SMIM31: variants seen among roughly 807,000 people sequenced by gnomAD.
SMIM31 encodes the protein small integral membrane protein 31.
chr4:164,766,081 T>A (rs1376895818), intron 1 of SMIM31, among the ~76,000 whole-genome samples: 1 of 152,056 alleles, frequency 6.6e-6, no homozygotes, highest in Non-Finnish European at 1.5e-5. Flanking sequence ...TCAGCAGCCA[T>A]GAGACAGAAA....
intron 1 of SMIM31, among the ~76,000 whole-genome samples, chr4:164,756,242 C>T (rs1579057678): frequency 6.6e-6 from 1 of 152,246 alleles, no homozygotes; most frequent in African/African-American, 2.4e-5. Context: ...TATCCCAGAA[C>T]TTAAAGTAAA....
chr4:164,774,027 G>A (rs1050597429), intron 2 of SMIM31, among the ~76,000 whole-genome samples: 3 of 152,090 alleles, frequency 2.0e-5, no homozygotes, highest in Non-Finnish European at 4.4e-5. Context: ...TTAGCCAGGC[G>A]TGGTGGCGGG....
At chr4:164,756,840 C>T (rs879812155) in intron 1 of SMIM31, among the ~76,000 whole-genome samples, 3 of 152,054 alleles carry the variant, frequency 2.0e-5, no homozygotes, top group Non-Finnish European at 4.4e-5. Flanking sequence ...TGTCAATGGA[C>T]GCCTGAGTTT....
At chr4:164,799,429 G>A (rs1045485822) in intron 2 of SMIM31, among the ~76,000 whole-genome samples, 1 of 151,416 alleles carries the variant, frequency 6.6e-6, no homozygotes, top group Admixed American at 6.6e-5. Context: ...AAACATAAAT[G>A]AGCCAGTCTG....
At chr4:164,797,819 G>C (rs1733224877) in intron 2 of SMIM31, among the ~76,000 whole-genome samples, 1 of 152,016 alleles carries the variant, frequency 6.6e-6, no homozygotes, top group Admixed American at 6.6e-5. Context: ...TGGGCTTTTA[G>C]TGTACCCATT....
chr4:164,796,215 C>T (rs1178643335), intron 2 of SMIM31, among the ~76,000 whole-genome samples: 2 of 152,222 alleles, frequency 1.3e-5, no homozygotes, highest in East Asian at 3.8e-4. Context: ...AATTCTGTAG[C>T]ATCACTTCTC....
intron 2 of SMIM31, among the ~76,000 whole-genome samples, chr4:164,795,856 A>G (rs868322668): frequency 6.6e-6 from 1 of 152,138 alleles, no homozygotes; most frequent in Non-Finnish European, 1.5e-5. Flanking sequence ...CTAAAGCACA[A>G]CCTCTGCCCT....
intron 1 of SMIM31, among the ~76,000 whole-genome samples, chr4:164,760,966 G>A (rs1403212422): frequency 2.0e-5 from 3 of 152,094 alleles, no homozygotes; most frequent in Non-Finnish European, 4.4e-5. Context: ...CAAGTCCAAG[G>A]ATGCATGAGA....
chr4:164,762,471 C>T (rs1163337555), intron 1 of SMIM31, among the ~76,000 whole-genome samples: 1 of 152,062 alleles, frequency 6.6e-6, no homozygotes, highest in Admixed American at 6.5e-5. Context: ...AATCCCAGCA[C>T]TTCGGGAAGC....
rs188986784 is a variant in SMIM31 at position 164,763,415 on chromosome 4, T to C, written c.-25-7004T>C. 1.1e-4 allele frequency among the ~76,000 whole-genome samples: 17 copies of C among 152,286 alleles called. No homozygotes were observed. The East Asian group carries it at 3.1e-3, about 28-fold the overall frequency. ...GTGTACATCAGGAAGGATGAGAATG[T>C]CTTTTAAAAGACATTTTACATCTCG... is the stretch of plus-strand genomic sequence containing the variant. On this transcript the variant is annotated intron_variant, in intron 1 of 2. Coordinates refer to ENST00000507311, the MANE Select transcript of SMIM31 (RefSeq NM_001352885.1).
intron 1 of SMIM31, among the ~76,000 whole-genome samples, chr4:164,767,012 G>A (rs933689419): frequency 6.6e-6 from 1 of 152,152 alleles, no homozygotes; most frequent in African/African-American, 2.4e-5. Context: ...AGGAACACAA[G>A]CAAGGTCAGT....
chr4:164,802,321 A>G lies in SMIM31; in HGVS notation c.*1127A>G, dbSNP rs9308093. On this transcript the variant is annotated 3_prime_UTR_variant, in exon 3 of 3. Transcript: ENST00000507311. ...TGTAATCATAGCTCACTGCAACCTT[A>G]AGTTCCTGGGCTCAGGTGATCCTCT... The G allele has an allele frequency of 0.72, 109,060 of 152,120 alleles. 39,700 individuals are homozygous for G. The highest frequency in any genetic ancestry group is 0.8 in the Non-Finnish European group (54,332 of 68,048). The allele number at this position is 152,120 out of a possible 1,614,324, so 9.4% of individuals were successfully genotyped here. A position where few individuals can be genotyped will look rare whatever the true frequency, so the allele number is the denominator to read the frequency against.
intron 2 of SMIM31, among the ~76,000 whole-genome samples, chr4:164,780,344 T>C (rs1732932783): frequency 6.6e-6 from 1 of 152,192 alleles, no homozygotes; most frequent in African/African-American, 2.4e-5. Context: ...GGAGAACTGC[T>C]TGAACTCGGG....
At chr4:164,768,319 A>T (rs1732747794) in intron 1 of SMIM31, among the ~76,000 whole-genome samples, 1 of 150,898 alleles carries the variant, frequency 6.6e-6, no homozygotes, top group South Asian at 2.1e-4. Flanking sequence ...GGAAGGAGCT[A>T]CTCAGGAAGC....
At chr4:164,769,896 G>A (rs1012455206) in intron 1 of SMIM31, among the ~76,000 whole-genome samples, 6 of 151,982 alleles carry the variant, frequency 3.9e-5, no homozygotes, top group Non-Finnish European at 8.8e-5. Context: ...TTAAGAGTGA[G>A]GATTCTATAA....
rs1732785901 is a variant in SMIM31, at chr4:164,770,483, T to C, written c.40T>C (p.Leu14=). The change falls in exon 2 of 3, where the codon TTA becomes CTA. Residue 14 remains leucine (L), a synonymous_variant. Coordinates refer to ENST00000507311, the MANE Select transcript of SMIM31 (RefSeq NM_001352885.1). ...CACCAACTTGGAAATGGCATTCATT[T>C]TATTGGCTTTTGTTATCTTTTCCTT... ...PYTNLEMAFI[L]LAFVIFSLFT... 5.0e-6 allele frequency: 2 copies of C among 398,902 alleles called. No homozygotes were observed. The highest frequency in any genetic ancestry group is 2.1e-5 in the African/African-American group (1 of 48,634). The allele number at this position is 398,902 out of a possible 1,614,324, so 24.7% of individuals were successfully genotyped here. A position where few individuals can be genotyped will look rare whatever the true frequency, so the allele number is the denominator to read the frequency against.
intron 2 of SMIM31, among the ~76,000 whole-genome samples, chr4:164,788,068 C>A (rs973874581): frequency 6.6e-6 from 1 of 152,150 alleles, no homozygotes; most frequent in Admixed American, 6.6e-5. Context: ...AGGAAGACTG[C>A]AGAAATGTTT....
intron 1 of SMIM31, among the ~76,000 whole-genome samples, chr4:164,760,501 C>T (rs1408760227): frequency 2.7e-5 from 4 of 150,932 alleles, no homozygotes; most frequent in East Asian, 2.0e-4. Context: ...GAGGCCAAGG[C>T]GGGTGGATCA....
intron 2 of SMIM31, among the ~76,000 whole-genome samples, chr4:164,783,586 C>CT (rs1480867323): frequency 2.1e-5 from 2 of 95,644 alleles, no homozygotes; most frequent in African/African-American, 9.9e-5. Flanking sequence ...AATGAAATTT[C>CT]AGAAAACAGT....
Sources: gnomAD v4.1 joint callset for allele counts (sites outside exome capture counted in the v4.1 genomes callset) on GRCh38, gnomAD v4.1.1 for gene constraint, MANE v1.5 for transcripts, NCBI Gene and HGNC (gene_info 2026-07-23, HGNC 2026-07-21) for gene names.